C6orf52: variants seen among roughly 807,000 people sequenced by gnomAD.
C6orf52 encodes putative uncharacterized protein C6orf52.
A neutral mutation model predicts 16.6 loss-of-function variants in C6orf52; 16 were observed. That is an observed-to-expected ratio of 0.96 (90% CI 0.65 to 1.46). The LOEUF (loss-of-function observed/expected upper bound fraction) is 1.46, where lower values mean the gene tolerates loss of function less well. Ranked by LOEUF, C6orf52 falls within the 40% of genes most tolerant of loss-of-function variation. C6orf52 has a pLI of 0.00. For synonymous variants in C6orf52, 53 were observed against 61.4 expected, an observed-to-expected ratio of 0.86 and a Z score of 0.64; for missense variants, 166 against 182.3, an observed-to-expected ratio of 0.91 and a Z score of 0.52.
At chr6:10,672,489 C>A in intron 4 of C6orf52, 1 of 665,090 alleles carries the variant, frequency 1.5e-6, no homozygotes, top group South Asian at 1.6e-5. Context: ...GGGTGCTGGT[C>A]TGACAGAAGT....
chr6:10,687,651 C>T, intron 1 of C6orf52, 90 bp from the exon 2 acceptor site: 1 of 748,788 alleles, frequency 1.3e-6, no homozygotes, highest in South Asian at 1.6e-5. Flanking sequence ...ACAAATAAGT[C>T]TCGCAACTAC....
chr6:10,690,436 T>G (rs1769191935), intron 1 of C6orf52, among the ~76,000 whole-genome samples: 1 of 152,166 alleles, frequency 6.6e-6, no homozygotes, highest in Non-Finnish European at 1.5e-5. Flanking sequence ...TACATTCACG[T>G]GCAACCTCCA....
intron 3 of C6orf52, chr6:10,684,886 C>T (rs1418992383): frequency 1.6e-6 from 2 of 1,288,930 alleles, no homozygotes; most frequent in South Asian, 1.2e-5. Context: ...CAACAGGGGA[C>T]ACCCAGCAGG....
At chr6:10,676,027 G>C (rs1334104072) in intron 4 of C6orf52, among the ~76,000 whole-genome samples, 1 of 152,106 alleles carries the variant, frequency 6.6e-6, no homozygotes, top group African/African-American at 2.4e-5. Context: ...AGCTACTCAG[G>C]AGTCTGAGAC....
At position 10,672,517 on chromosome 6, in the gene C6orf52, C is replaced by G. The variant is rs143483827; in HGVS notation, c.317-919G>C. On this transcript the variant is annotated intron_variant, in intron 4 of 4. Coordinates refer to ENST00000259983, the MANE Select transcript of C6orf52 (RefSeq NM_001145020.3). Reference sequence around the variant, plus strand: ...ACAGAAGTAGTGCCCTTATAAAAAGCGACAGCAGGCAGGACACAGCAACTC... The same window carrying G: ...ACAGAAGTAGTGCCCTTATAAAAAGGGACAGCAGGCAGGACACAGCAACTC... 2.6e-5 allele frequency: 18 copies of G among 681,018 alleles called. 1 individual carries two copies. The Admixed American group carries it at 4.0e-4, about 15-fold the overall frequency. 42.2% of individuals were successfully genotyped at this position (681,018 alleles called of 1,614,324 possible).
chr6:10,689,993 G>T (rs759707503), intron 1 of C6orf52, among the ~76,000 whole-genome samples: 1 of 152,080 alleles, frequency 6.6e-6, no homozygotes, highest in Non-Finnish European at 1.5e-5. Flanking sequence ...CTTTAGGACT[G>T]ACTTTATTTT....
At chr6:10,679,167 C>T (rs1768146682) in intron 4 of C6orf52, among the ~76,000 whole-genome samples, 2 of 151,468 alleles carry the variant, frequency 1.3e-5, no homozygotes, top group African/African-American at 4.9e-5. Flanking sequence ...CGGCTGGGCA[C>T]GGTGGCTCAT....
At chr6:10,682,226 G>A (rs1450647844) in intron 4 of C6orf52, among the ~76,000 whole-genome samples, 3 of 152,120 alleles carry the variant, frequency 2.0e-5, no homozygotes, top group Admixed American at 2.0e-4. Flanking sequence ...CTGAACTAAG[G>A]AGCAAGAAAT....
At chr6:10,682,654 C>T (rs924513208) in intron 4 of C6orf52, among the ~76,000 whole-genome samples, 1 of 152,172 alleles carries the variant, frequency 6.6e-6, no homozygotes, top group Admixed American at 6.5e-5. Context: ...TTTTCTTTCC[C>T]ATTACTTAAA....
chr6:10,675,099 G>A (rs993906053), intron 4 of C6orf52, among the ~76,000 whole-genome samples: 7 of 152,198 alleles, frequency 4.6e-5, no homozygotes, highest in South Asian at 2.1e-4. Context: ...GTAAGCCACC[G>A]TGCCCAGCCT....
At chr6:10,683,002 G>A (rs9467227) in intron 4 of C6orf52, among the ~76,000 whole-genome samples, 185 bp downstream of exon 4, 2,581 of 152,288 alleles carry the variant, frequency 0.017, 75 homozygotes, top group African/African-American at 0.059. Flanking sequence ...CAAAGAGGTG[G>A]CTTAGTTAAA....
intron 4 of C6orf52, 55 bp downstream of exon 4, chr6:10,683,132 G>A (rs1392805075): frequency 2.5e-6 from 3 of 1,207,924 alleles, no homozygotes; most frequent in Admixed American, 5.2e-5. Flanking sequence ...GAGTGAATGA[G>A]AAACCAGGAA....
chr6:10,685,945 G>GA (rs1768837759), intron 3 of C6orf52, among the ~76,000 whole-genome samples: 1 of 152,072 alleles, frequency 6.6e-6, no homozygotes, highest in South Asian at 2.1e-4. Flanking sequence ...TATTCTTGGG[G>GA]AAAAAAGCAA....
intron 1 of C6orf52, among the ~76,000 whole-genome samples, chr6:10,693,232 G>C (rs1468384859): frequency 6.6e-6 from 1 of 152,200 alleles, no homozygotes; most frequent in Non-Finnish European, 1.5e-5. Flanking sequence ...ACCCAAAGGC[G>C]TAAGGGACAA....
intron 1 of C6orf52, among the ~76,000 whole-genome samples, chr6:10,691,603 T>A (rs536596610): frequency 6.6e-6 from 1 of 152,084 alleles, no homozygotes; most frequent in Non-Finnish European, 1.5e-5. Context: ...AGTTTTTACT[T>A]CTTCTTTGGA....
At chr6:10,691,640 G>A (rs928018396) in intron 1 of C6orf52, among the ~76,000 whole-genome samples, 5 of 151,990 alleles carry the variant, frequency 3.3e-5, no homozygotes, top group African/African-American at 1.2e-4. Context: ...AAGACAATAT[G>A]AGGGGTGGTC....
At chr6:10,687,296 G>A in intron 2 of C6orf52, 132 bp from the exon 3 acceptor site, 1 of 796,946 alleles carries the variant, frequency 1.3e-6, no homozygotes, top group Non-Finnish European at 2.0e-6. Flanking sequence ...TAATGTAGAT[G>A]ACGGGTTGAT....
chr6:10,688,038 T>G (rs1025290598), intron 1 of C6orf52, among the ~76,000 whole-genome samples: 1 of 152,104 alleles, frequency 6.6e-6, no homozygotes, highest in African/African-American at 2.4e-5. Context: ...CTTTTTCTTT[T>G]TTTAATTCCA....
chr6:10,687,624 G>A, intron 1 of C6orf52, 63 bp from the exon 2 acceptor site: 1 of 944,124 alleles, frequency 1.1e-6, no homozygotes, highest in Non-Finnish European at 1.7e-6. Context: ...CTTGTGGGCT[G>A]AAACCTCTCA....
Sources: gnomAD v4.1 joint callset for allele counts (sites outside exome capture counted in the v4.1 genomes callset) on GRCh38, gnomAD v4.1.1 for gene constraint, MANE v1.5 for transcripts, NCBI Gene and HGNC (gene_info 2026-07-23, HGNC 2026-07-21) for gene names.